Variants in AP3B1 observed in about 807,000 individuals in gnomAD.
AP3B1 encodes the protein AP-3 complex subunit beta-1.
A neutral mutation model predicts 132.5 loss-of-function variants in AP3B1; 61 were observed. The observed-to-expected ratio is 0.46, with a 90% CI of 0.37 to 0.57. The LOEUF (loss-of-function observed/expected upper bound fraction) is 0.57, where lower values mean the gene tolerates loss of function less well. Among genes scored for constraint, AP3B1 ranks in the 20% least tolerant of loss-of-function variants. AP3B1 has a pLI of 0.00. For missense variants in AP3B1, 1,120 were observed against 1,289.4 expected (o/e 0.87, Z 2.01); for synonymous variants, 388 against 438.3 (o/e 0.89, Z 1.43).
chr5:78,067,982 C>G (rs1345765504), intron 22 of AP3B1, among the ~76,000 whole-genome samples: 3 of 151,138 alleles, frequency 2.0e-5, no homozygotes, highest in Non-Finnish European at 4.4e-5. Context: ...AATCCAGGAG[C>G]TGGTTGTTTG....
At chr5:78,161,983 A>T (rs1743405740) in intron 13 of AP3B1, among the ~76,000 whole-genome samples, 2 of 152,140 alleles carry the variant, frequency 1.3e-5, no homozygotes, top group Admixed American at 6.5e-5. Context: ...TATATCATAT[A>T]TGCCCATATC....
intron 1 of AP3B1, among the ~76,000 whole-genome samples, chr5:78,269,990 G>T (rs112327605): frequency 6.6e-6 from 1 of 151,800 alleles, no homozygotes; most frequent in East Asian, 1.9e-4. Flanking sequence ...CTCCGCTCAC[G>T]CAACCTCCGC....
intron 1 of AP3B1, among the ~76,000 whole-genome samples, chr5:78,287,663 AT>A (rs1446022154): frequency 1.3e-5 from 2 of 151,584 alleles, no homozygotes; most frequent in South Asian, 2.1e-4. Flanking sequence ...TTCTTCTTTT[AT>A]TTTTAGTCAC....
At position 78,289,817 on chromosome 5, in the gene AP3B1, C is replaced by T. The variant is rs77827459; in HGVS notation, c.128+4635G>A. 2.4e-4 allele frequency among the ~76,000 whole-genome samples: 37 copies of T among 152,252 alleles called. No individual in the cohort carries two copies. In the East Asian group the frequency reaches 6.2e-3, roughly 25 times the overall value. ...CTTCTCGTCTAACAAGAAAAGTCTTCCCTGGGTGATTTCATCCATTCCCAT... is the reference window on the plus strand; with the variant it reads ...CTTCTCGTCTAACAAGAAAAGTCTTTCCTGGGTGATTTCATCCATTCCCAT... On this transcript the variant is annotated intron_variant, in intron 1 of 26. Transcript: ENST00000255194.
In AP3B1 at chr5:78,113,877, C is replaced by T. The variant is rs1580361717; in HGVS notation, c.2124G>A (p.Glu708=). 1.2e-6 allele frequency: 2 copies of T among 1,614,230 alleles called. No homozygotes were observed. The highest frequency in any genetic ancestry group is 1.7e-6 in the Non-Finnish European group (2 of 1,180,042). The change falls in exon 19 of 27, where the codon GAG becomes GAA. Residue 708 remains glutamate (E), a synonymous_variant. Coordinates refer to ENST00000255194, the MANE Select transcript of AP3B1 (RefSeq NM_003664.5). ...SESGEQGESG[E]EGDSNEDSSE... is the part of the protein sequence containing the mutation. ...TGCTGTCCTCATTGCTGTCTCCTTCCTCCCCACTTTCGCCTTGTTCTCCAC... is the reference window on the plus strand; with the variant it reads ...TGCTGTCCTCATTGCTGTCTCCTTCTTCCCCACTTTCGCCTTGTTCTCCAC...
intron 22 of AP3B1, among the ~76,000 whole-genome samples, chr5:78,047,189 T>C (rs1167848283): frequency 1.3e-5 from 2 of 152,254 alleles, no homozygotes; most frequent in Non-Finnish European, 2.9e-5. Context: ...TATAGTAGAA[T>C]GATTTATAAT....
chr5:78,015,736 A>T (rs1746831192), intron 25 of AP3B1, 188 bp from the exon 26 acceptor site: 4 of 576,586 alleles, frequency 6.9e-6, no homozygotes, highest in Non-Finnish European at 1.2e-5. Flanking sequence ...TAAAATCCTC[A>T]TTGTATAGGA....
chr5:78,117,592 G>A (rs1487923366), intron 17 of AP3B1, among the ~76,000 whole-genome samples: 1 of 152,116 alleles, frequency 6.6e-6, no homozygotes, highest in African/African-American at 2.4e-5. Context: ...TTACAGGTGT[G>A]AGCCACCACG....
intron 19 of AP3B1, among the ~76,000 whole-genome samples, chr5:78,111,845 T>C (rs1177469390): frequency 6.6e-6 from 1 of 152,192 alleles, no homozygotes; most frequent in East Asian, 1.9e-4. Context: ...CCTGGGTACA[T>C]TATTATCCCA....
At chr5:78,035,259 TTAAA>T (rs1747759441) in intron 23 of AP3B1, among the ~76,000 whole-genome samples, 2 of 152,024 alleles carry the variant, frequency 1.3e-5, no homozygotes, top group Non-Finnish European at 2.9e-5. Context: ...TGAGGGGATC[TTAAA>T]TAAATATGTA....
chr5:78,081,902 TAA>T (rs5868901), intron 22 of AP3B1, among the ~76,000 whole-genome samples: 99 of 144,750 alleles, frequency 6.8e-4, no homozygotes, highest in Admixed American at 2.2e-3. Flanking sequence ...TTCTTTGCAA[TAA>T]AAAAAAAAAA....
chr5:78,035,077 T>C (rs1747748109), intron 23 of AP3B1, among the ~76,000 whole-genome samples: 1 of 151,942 alleles, frequency 6.6e-6, no homozygotes, highest in South Asian at 2.1e-4. Flanking sequence ...TGACATTTGA[T>C]AGATTTGGAA....
intron 8 of AP3B1, 24 bp from the exon 9 acceptor site, chr5:78,177,460 A>C: frequency 6.4e-7 from 1 of 1,558,234 alleles, no homozygotes; most frequent in Non-Finnish European, 8.9e-7. Context: ...CATAAAAATA[A>C]CAGAACTATG....
chr5:78,126,504 C>CAAAAAAAAAAAAAAAAA (rs70997969), intron 17 of AP3B1, among the ~76,000 whole-genome samples: 1 of 62,386 alleles, frequency 1.6e-5, no homozygotes, highest in African/African-American at 7.8e-5. Context: ...GACTCTGTCT[C>CAAAAAAAAAAAAAAAAA]AAAAAAAAAA....
intron 7 of AP3B1, among the ~76,000 whole-genome samples, chr5:78,208,940 T>C (rs1030922018): frequency 2.6e-5 from 4 of 152,018 alleles, no homozygotes; most frequent in Non-Finnish European, 5.9e-5. Context: ...CTAATATATA[T>C]ATTCCAAAGA....
intron 22 of AP3B1, among the ~76,000 whole-genome samples, chr5:78,076,744 A>G (rs559355726): frequency 2.0e-5 from 3 of 152,288 alleles, no homozygotes. Flanking sequence ...AGGCTATATG[A>G]TGAAGCCTCA....
At chr5:78,211,684 T>C (rs1028099526) in intron 7 of AP3B1, among the ~76,000 whole-genome samples, 6 of 152,232 alleles carry the variant, frequency 3.9e-5, no homozygotes, top group Non-Finnish European at 8.8e-5. Context: ...TGTTAGCTAA[T>C]TGCATGTCTG....
chr5:78,152,187 T>C (rs1332281418), intron 14 of AP3B1, among the ~76,000 whole-genome samples: 1 of 145,108 alleles, frequency 6.9e-6, no homozygotes, highest in African/African-American at 2.5e-5. Context: ...AGGGTAACAA[T>C]GACCTTGTAG....
intron 6 of AP3B1, among the ~76,000 whole-genome samples, chr5:78,223,481 G>T (rs1746275398): frequency 7.3e-6 from 1 of 136,698 alleles, no homozygotes; most frequent in South Asian, 2.3e-4. Flanking sequence ...CTATCACCAA[G>T]AATGTAACAA....
Sources: gnomAD v4.1 joint callset for allele counts (sites outside exome capture counted in the v4.1 genomes callset) on GRCh38, gnomAD v4.1.1 for gene constraint, MANE v1.5 for transcripts, NCBI Gene and HGNC (gene_info 2026-07-23, HGNC 2026-07-21) for gene names.